Variants in PLXNA1 observed in about 807,000 individuals in gnomAD.
PLXNA1 encodes the protein plexin A1.
In PLXNA1, 77 loss-of-function variants were observed where a neutral mutation model predicts 191.7. That is an observed-to-expected ratio of 0.40 (90% CI 0.33 to 0.49). The LOEUF is 0.49. Ranked by LOEUF, PLXNA1 falls within the 20% of genes least tolerant of loss-of-function variation. The pLI is 0.63. For missense variants in PLXNA1, 2,110 were observed against 2,660.2 expected (o/e 0.79, Z 4.55); for synonymous variants, 1,137 against 1,156.4 (o/e 0.98, Z 0.34).
intron 4 of PLXNA1, 51 bp from the exon 5 acceptor site, chr3:127,004,560 C>T: frequency 1.5e-6 from 2 of 1,349,118 alleles, no homozygotes; most frequent in Middle Eastern, 1.8e-4. Context: ...TGAGGATGGT[C>T]AAGGACCCCT....
Position 127,003,266 on chromosome 3 carries a change from G to C in PLXNA1, c.1378-64G>C, listed in dbSNP as rs57044608. 5.8e-3 allele frequency: 8,596 copies of C among 1,486,156 alleles called. 408 individuals carry two copies. In the African/African-American group the frequency reaches 0.1, roughly 17 times the overall value. The allele number at this position is 1,486,156 out of a possible 1,614,324, so 92.1% of individuals were successfully genotyped here. A position where few individuals can be genotyped will look rare whatever the true frequency, so the allele number is the denominator to read the frequency against. ...GGGCTTTAGACCCCTGACCTTCTGTGGGGGGTGGGGCTGGGTCAGGGAGGT... is the reference window on the plus strand; with the variant it reads ...GGGCTTTAGACCCCTGACCTTCTGTCGGGGGTGGGGCTGGGTCAGGGAGGT... On this transcript the variant is annotated intron_variant, in intron 3 of 31. Coordinates refer to ENST00000393409, the MANE Select transcript of PLXNA1 (RefSeq NM_032242.4).
At chr3:126,984,779 G>C (rs1169052369) in intron 1 of PLXNA1, among the ~76,000 whole-genome samples, 4 of 152,214 alleles carry the variant, frequency 2.6e-5, no homozygotes. Context: ...GGCCCCCCAA[G>C]GTCGTTGCCT....
intron 23 of PLXNA1, among the ~76,000 whole-genome samples, chr3:127,025,524 G>T (rs1163490248): frequency 6.6e-6 from 1 of 152,196 alleles, no homozygotes; most frequent in African/African-American, 2.4e-5. Flanking sequence ...TGCATTTACA[G>T]CGGTGTTGGC....
intron 3 of PLXNA1, among the ~76,000 whole-genome samples, chr3:127,001,024 C>T (rs952437372): frequency 2.6e-5 from 4 of 152,114 alleles, no homozygotes; most frequent in Non-Finnish European, 5.9e-5. Context: ...GACAGCTGGA[C>T]GCGTGTGCTC....
In PLXNA1 at chr3:126,991,379, C is replaced by T; in HGVS notation, c.1195-5C>T. 1 of 1,612,396 alleles carries T rather than the reference C, an allele frequency of 6.2e-7. No homozygotes were observed. Reference sequence around the variant, plus strand: ...GAGTGGCTCTCACCCTGCCCCTTCCCACAGCCCCTGCAGATCGATGACGAC... The same window carrying T: ...GAGTGGCTCTCACCCTGCCCCTTCCTACAGCCCCTGCAGATCGATGACGAC... On this transcript the variant is annotated splice_polypyrimidine_tract_variant and splice_region_variant and intron_variant, in intron 2 of 31. Transcript: ENST00000393409.
rs745333567 is a variant in PLXNA1 at position 127,018,426 on chromosome 3, A to T, written c.3793A>T (p.Ile1265Phe). Residue 1265 changes from isoleucine (I) to phenylalanine (F), a missense_variant, in exon 20 of 32, where the codon ATC becomes TTC. By Grantham distance (21) the Ile-to-Phe change is conservative. Around this residue, in one of 4 missense-constraint regions of PLXNA1, gnomAD observed 559 missense variants for 911.5 expected, o/e 0.61. Transcript: ENST00000393409. ...LLLLVIVAVLIAYKRKSRDAD... is the reference protein window; with the variant it reads ...LLLLVIVAVLFAYKRKSRDAD... ...GCTGCTGGTCATCGTGGCTGTGCTC[A>T]TCGCCTACAAGCGCAAGTCACGAGA... 1.2e-6 allele frequency: 2 copies of T among 1,613,028 alleles called. No homozygotes were observed. Among genetic ancestry groups the T allele is most frequent in the Non-Finnish European group, 1.7e-6 (2 of 1,179,998 alleles).
At chr3:126,992,466 C>T (rs984564424) in intron 3 of PLXNA1, among the ~76,000 whole-genome samples, 10 of 152,108 alleles carry the variant, frequency 6.6e-5, no homozygotes, top group African/African-American at 9.7e-5. Flanking sequence ...GCTCTCAGCC[C>T]GGTGCCCAGT....
Position 126,988,664 on chromosome 3 carries a change from T to C in PLXNA1, c.71T>C (p.Met24Thr), listed in dbSNP as rs961102943. The C allele has an allele frequency of 1.9e-6, 3 of 1,580,422 alleles. No individual in the cohort carries two copies. The highest frequency in any genetic ancestry group is 2.6e-6 in the Non-Finnish European group (3 of 1,162,630). ...LLLLLLLLPG[M>T]WAEAGLPRAG... ...CTGTTGCTGCTGCTGCTGCCGGGCATGTGGGCTGAGGCAGGCTTGCCCAGG... is the reference window on the plus strand; with the variant it reads ...CTGTTGCTGCTGCTGCTGCCGGGCACGTGGGCTGAGGCAGGCTTGCCCAGG... Residue 24 changes from methionine to threonine, a missense_variant, in exon 2 of 32, where the codon ATG becomes ACG. Around this residue, in one of 4 missense-constraint regions of PLXNA1, gnomAD observed 903 missense variants for 1,015.7 expected, o/e 0.89. Coordinates refer to ENST00000393409, the MANE Select transcript of PLXNA1 (RefSeq NM_032242.4).
At chr3:126,987,581 GT>G (rs765833427) in intron 1 of PLXNA1, among the ~76,000 whole-genome samples, 8 of 152,220 alleles carry the variant, frequency 5.3e-5, no homozygotes, top group Non-Finnish European at 1.2e-4. Context: ...GTCTGGGTGG[GT>G]ATGGGGTGCT....
At chr3:127,014,678 C>T in intron 13 of PLXNA1, 33 bp from the exon 14 acceptor site, 1 of 1,610,856 alleles carries the variant, frequency 6.2e-7, no homozygotes, top group East Asian at 2.2e-5. Context: ...CGGGGCGGGG[C>T]TCCTGCAGCC....
intron 23 of PLXNA1, among the ~76,000 whole-genome samples, chr3:127,024,867 C>T (rs1006934605): frequency 1.1e-4 from 16 of 152,136 alleles, no homozygotes; most frequent in African/African-American, 3.9e-4. Flanking sequence ...TTGTTTTTGC[C>T]ACCATATCTG....
intron 21 of PLXNA1, among the ~76,000 whole-genome samples, chr3:127,020,983 C>T (rs964639023): frequency 1.3e-5 from 2 of 152,240 alleles, no homozygotes; most frequent in Non-Finnish European, 2.9e-5. Flanking sequence ...AGGCCCCCAG[C>T]GGCAGGCAGG....
chr3:127,030,532 C>A, intron 29 of PLXNA1, 120 bp downstream of exon 29: 1 of 1,236,690 alleles, frequency 8.1e-7, no homozygotes, highest in Non-Finnish European at 1.1e-6. Context: ...GGGGACACAA[C>A]CCAGCAGGGG....
chr3:127,002,175 CTGCAGCCAG>C (rs1275803451), intron 3 of PLXNA1, among the ~76,000 whole-genome samples: 4 of 152,358 alleles, frequency 2.6e-5, no homozygotes, highest in African/African-American at 9.6e-5. Flanking sequence ...GGCCATGGCC[CTGCAGCCAG>C]TGCAGCTGGG....
At chr3:126,993,836 G>A (rs2079002784) in intron 3 of PLXNA1, among the ~76,000 whole-genome samples, 1 of 152,216 alleles carries the variant, frequency 6.6e-6, no homozygotes, top group Admixed American at 6.5e-5. Flanking sequence ...CCTGCCGCCT[G>A]TACTCTTTCA....
rs1183500142 is a variant in PLXNA1, at chr3:127,034,020, C to A, written c.*3C>A. The A allele has an allele frequency of 6.3e-7, 1 of 1,594,516 alleles. No individual in the cohort carries two copies. Among genetic ancestry groups the A allele is most frequent in the Admixed American group, 1.8e-5 (1 of 57,134 alleles). On this transcript the variant is annotated 3_prime_UTR_variant, in exon 32 of 32. Transcript: ENST00000393409. ...ACACGATGGCCCTGAGCAGCTGAGC[C>A]CCAGCTGTGATCATCCAGCATGATG...
intron 3 of PLXNA1, 44 bp downstream of exon 3, chr3:126,991,610 G>T (rs1576669362): frequency 3.3e-6 from 5 of 1,514,564 alleles, no homozygotes; most frequent in Non-Finnish European, 4.4e-6. Context: ...CTTGGGGCAG[G>T]AACAAAGGCT....
In PLXNA1 at chr3:127,020,185, G is replaced by T; in HGVS notation, c.3896-17G>T. 1 of 1,611,318 alleles carries T rather than the reference G, an allele frequency of 6.2e-7. No individual in the cohort carries two copies. Reference sequence around the variant, plus strand: ...GCCACCAGGGCATGCTGCCCCTGACGCCGCATCTGGCCACAGCCTTTGCAG... The same window carrying T: ...GCCACCAGGGCATGCTGCCCCTGACTCCGCATCTGGCCACAGCCTTTGCAG... On this transcript the variant is annotated splice_polypyrimidine_tract_variant and intron_variant, in intron 20 of 31. Coordinates refer to ENST00000393409, the MANE Select transcript of PLXNA1 (RefSeq NM_032242.4).
chr3:127,001,605 G>A (rs2079040945), intron 3 of PLXNA1, among the ~76,000 whole-genome samples: 1 of 152,214 alleles, frequency 6.6e-6, no homozygotes, highest in African/African-American at 2.4e-5. Flanking sequence ...GCAGGTCTGC[G>A]CACTGGGCAT....
Sources: gnomAD v4.1 joint callset for allele counts (sites outside exome capture counted in the v4.1 genomes callset) on GRCh38, gnomAD v4.1.1 for gene constraint, gnomAD v4.1.1 regional missense constraint, MANE v1.5 for transcripts, NCBI Gene and HGNC (gene_info 2026-07-23, HGNC 2026-07-21) for gene names.